UBE2W: variants seen among roughly 807,000 people sequenced by gnomAD.
UBE2W encodes ubiquitin conjugating enzyme E2 W.
Under a neutral mutation model 27.2 loss-of-function variants are expected in UBE2W, and 18 were observed. The observed-to-expected ratio is 0.66, with a 90% CI of 0.46 to 0.98. The LOEUF (loss-of-function observed/expected upper bound fraction) is 0.98, where lower values mean the gene tolerates loss of function less well. Ranked by LOEUF, UBE2W falls within the 50% of genes least tolerant of loss-of-function variation. UBE2W has a pLI of 0.00. For missense variants in UBE2W, 90 were observed against 180.2 expected, an observed-to-expected ratio of 0.50 and a Z score of 2.87; for synonymous variants, 53 against 57.2, an observed-to-expected ratio of 0.93 and a Z score of 0.33.
intron 1 of UBE2W, among the ~76,000 whole-genome samples, chr8:73,850,622 T>C (rs887546026): frequency 1.3e-5 from 2 of 150,544 alleles, no homozygotes; most frequent in African/African-American, 4.9e-5. Context: ...ACAAAATATA[T>C]TGTTTAAAGT....
intron 5 of UBE2W, among the ~76,000 whole-genome samples, chr8:73,797,306 C>T (rs1563571098): frequency 6.6e-6 from 1 of 152,068 alleles, no homozygotes; most frequent in Non-Finnish European, 1.5e-5. Context: ...AAAAAAGGAA[C>T]ACAGTAATAC....
In UBE2W at chr8:73,798,430, G is replaced by A. The variant is rs147132559; in HGVS notation, c.443-4315C>T. On this transcript the variant is annotated intron_variant, in intron 5 of 5. Transcript: ENST00000602593. ...GCTCATTATGTATATGCAAATATTCGAGAAAAACAAATTGAAACCCAAAAC... is the reference window on the plus strand; with the variant it reads ...GCTCATTATGTATATGCAAATATTCAAGAAAAACAAATTGAAACCCAAAAC... 2.0e-5 allele frequency among the ~76,000 whole-genome samples: 3 copies of A among 152,148 alleles called. No homozygotes were observed. In the East Asian group the frequency reaches 5.8e-4, roughly 29 times the overall value.
chr8:73,798,050 G>A (rs1423163349), intron 5 of UBE2W, among the ~76,000 whole-genome samples: 2 of 152,180 alleles, frequency 1.3e-5, no homozygotes, highest in African/African-American at 2.4e-5. Flanking sequence ...CACTTTGGGA[G>A]GCTGAGGCGG....
chr8:73,786,703 A>G lies in UBE2W; in HGVS notation c.*7399T>C, dbSNP rs1000232468. ...TTTGTGGACAGCTGAAGAGCAGCCT[A>G]GGGACACCAAGGCCAGGTAGTGAAA... On this transcript the variant is annotated 3_prime_UTR_variant, in exon 6 of 6. Coordinates refer to ENST00000602593, the MANE Select transcript of UBE2W (RefSeq NM_018299.6). The G allele has an allele frequency of 5.1e-6, 5 of 985,428 alleles. No homozygotes were observed. Among genetic ancestry groups the G allele is most frequent in the Non-Finnish European group, 6.0e-6 (5 of 829,926 alleles). 61.0% of individuals were successfully genotyped at this position (985,428 alleles called of 1,614,324 possible).
rs1808213297 is a variant in UBE2W at position 73,791,778 on chromosome 8, C to T, written c.*2324G>A. The T allele has an allele frequency of 1.0e-6, 1 of 984,666 alleles. No homozygotes were observed. Among genetic ancestry groups the T allele is most frequent in the Non-Finnish European group, 1.2e-6 (1 of 829,312 alleles). 61.0% of individuals were successfully genotyped at this position (984,666 alleles called of 1,614,324 possible). ...TTAGGATATTTCATCTTATTTTCTACTCTTTAAACCATAAGATGTACCGAA... is the reference window on the plus strand; with the variant it reads ...TTAGGATATTTCATCTTATTTTCTATTCTTTAAACCATAAGATGTACCGAA... On this transcript the variant is annotated 3_prime_UTR_variant, in exon 6 of 6. Coordinates refer to ENST00000602593, the MANE Select transcript of UBE2W (RefSeq NM_018299.6).
intron 1 of UBE2W, among the ~76,000 whole-genome samples, chr8:73,851,131 G>A (rs189339233): frequency 6.6e-6 from 1 of 151,862 alleles, no homozygotes; most frequent in African/African-American, 2.4e-5. Context: ...AATTTTAGGT[G>A]TAAGACACCA....
chr8:73,785,812 C>A (rs1807938576), downstream of UBE2W, among the ~76,000 whole-genome samples: 1 of 152,188 alleles, frequency 6.6e-6, no homozygotes, highest in South Asian at 2.1e-4. Context: ...TCTCAAGCTC[C>A]TGACGTGATC....
intron 3 of UBE2W, among the ~76,000 whole-genome samples, chr8:73,811,973 G>C (rs1809170408): frequency 6.6e-6 from 1 of 151,824 alleles, no homozygotes; most frequent in Admixed American, 6.6e-5. Flanking sequence ...TAAATATCTA[G>C]CTATGAATCT....
intron 1 of UBE2W, among the ~76,000 whole-genome samples, chr8:73,866,290 A>AAAAAT (rs1248216873): frequency 3.5e-4 from 15 of 43,090 alleles, no homozygotes; most frequent in South Asian, 1.1e-3. Flanking sequence ...AAAAAAAAAA[A>AAAAAT]ATATATATAT....
intron 1 of UBE2W, among the ~76,000 whole-genome samples, chr8:73,877,934 G>C (rs773910492): frequency 9.2e-4 from 140 of 152,298 alleles, no homozygotes; most frequent in Non-Finnish European, 1.7e-3. Context: ...TGCTAAGTCG[G>C]GGGGATATGG....
chr8:73,851,701 A>G (rs1472288045), intron 1 of UBE2W, among the ~76,000 whole-genome samples: 1 of 152,168 alleles, frequency 6.6e-6, no homozygotes, highest in Non-Finnish European at 1.5e-5. Context: ...ATTACATTTG[A>G]GACATTACTA....
chr8:73,863,322 G>T (rs1336951079), intron 1 of UBE2W, among the ~76,000 whole-genome samples: 1 of 141,760 alleles, frequency 7.1e-6, no homozygotes, highest in East Asian at 2.0e-4. Context: ...GTAAACTATC[G>T]CAAGAACAAA....
At chr8:73,812,175 C>CT (rs1286030858) in intron 3 of UBE2W, among the ~76,000 whole-genome samples, 2 of 147,104 alleles carry the variant, frequency 1.4e-5, no homozygotes, top group African/African-American at 5.0e-5. Flanking sequence ...GCATCTATTT[C>CT]TTTTTTTTCT....
intron 1 of UBE2W, among the ~76,000 whole-genome samples, chr8:73,840,061 T>C (rs1222661250): frequency 6.9e-6 from 1 of 144,736 alleles, no homozygotes; most frequent in Non-Finnish European, 1.5e-5. Context: ...TTTTCTTTTC[T>C]TTTTTTTCCC....
At chr8:73,810,355 TA>T (rs1406963201) in intron 4 of UBE2W, 118 bp downstream of exon 4, 2 of 1,032,222 alleles carry the variant, frequency 1.9e-6, no homozygotes, top group African/African-American at 1.7e-5. Context: ...AAATTCCCTA[TA>T]ATTTTCAAAT....
Position 73,791,085 on chromosome 8 carries a change from G to A in UBE2W, c.*3017C>T, listed in dbSNP as rs1586433652. ...AGCTATTTCCAGCACTTTCTTCTGG[G>A]GATTAAAAATGATTTATTTCCCTGC... On this transcript the variant is annotated 3_prime_UTR_variant, in exon 6 of 6. Transcript: ENST00000602593. 2.0e-6 allele frequency: 2 copies of A among 984,460 alleles called. No individual in the cohort carries two copies. Among genetic ancestry groups the A allele is most frequent in the Non-Finnish European group, 2.4e-6 (2 of 829,496 alleles). The allele number at this position is 984,460 out of a possible 1,614,324, so 61.0% of individuals were successfully genotyped here. A position where few individuals can be genotyped will look rare whatever the true frequency, so the allele number is the denominator to read the frequency against.
chr8:73,820,844 T>C (rs1298192830), intron 3 of UBE2W, among the ~76,000 whole-genome samples: 1 of 152,066 alleles, frequency 6.6e-6, no homozygotes, highest in African/African-American at 2.4e-5. Flanking sequence ...CCTGCTACTC[T>C]GGAGGCTGAG....
At chr8:73,781,192 C>T (rs928627900) in intron 4 of UBE2W, among the ~76,000 whole-genome samples, 14 of 150,892 alleles carry the variant, frequency 9.3e-5, no homozygotes, top group Admixed American at 6.6e-5. Flanking sequence ...ATTGCTTGAA[C>T]CTGGGAGGCG....
At chr8:73,865,613 A>T (rs988489354) in intron 1 of UBE2W, among the ~76,000 whole-genome samples, 2 of 152,284 alleles carry the variant, frequency 1.3e-5, no homozygotes, top group Admixed American at 1.3e-4. Context: ...CCTTGTCTCA[A>T]AACGAACAAA....
Sources: gnomAD v4.1 joint callset for allele counts (sites outside exome capture counted in the v4.1 genomes callset) on GRCh38, gnomAD v4.1.1 for gene constraint, MANE v1.5 for transcripts, NCBI Gene and HGNC (gene_info 2026-07-23, HGNC 2026-07-21) for gene names.